Variants in SELP observed in about 807,000 individuals in gnomAD.
The protein encoded by SELP is selectin P, also known as P-selectin.
In SELP, 92 loss-of-function variants were observed where a neutral mutation model predicts 104.1. The observed-to-expected ratio is 0.88, with a 90% CI of 0.75 to 1.05. The LOEUF is 1.05. Among genes scored for constraint, SELP ranks in the 50% least tolerant of loss-of-function variants. The pLI, the probability that SELP is intolerant of heterozygous loss-of-function variation, is 0.00. For missense variants in SELP, 1,022 were observed against 1,017.3 expected (o/e 1.00, Z -0.06); for synonymous variants, 397 against 364.5 (o/e 1.09, Z -1.01).
At chr1:169,591,230 T>G (rs190716607) in intron 15 of SELP, among the ~76,000 whole-genome samples, 196 bp downstream of exon 15, 42 of 152,358 alleles carry the variant, frequency 2.8e-4, no homozygotes, top group Admixed American at 4.6e-4. Context: ...TAAATTACTT[T>G]TCATTTTATT....
At position 169,619,174 on chromosome 1, in the gene SELP, C is replaced by T; in HGVS notation, c.49G>A (p.Val17Ile). Residue 17 changes from valine to isoleucine, a missense_variant, in exon 2 of 17, where the codon GTC becomes ATC. By Grantham distance (29) the Val-to-Ile change is conservative. Transcript: ENST00000263686. ...AILYQRFQRV[V>I]FGISQLLCFS... Reference sequence around the variant, plus strand: ...CAAAGGAGTTGGGAAATTCCAAAGACCACTCTCTGGAATCTCTGGTACAAG... The same window carrying T: ...CAAAGGAGTTGGGAAATTCCAAAGATCACTCTCTGGAATCTCTGGTACAAG... 1 of 1,614,038 alleles carries T rather than the reference C, an allele frequency of 6.2e-7. No homozygotes were observed. Among genetic ancestry groups the T allele is most frequent in the Non-Finnish European group, 8.5e-7 (1 of 1,179,910 alleles).
chr1:169,590,636 C>T (rs868690151), intron 15 of SELP, among the ~76,000 whole-genome samples: 2 of 152,086 alleles, frequency 1.3e-5, no homozygotes, highest in Non-Finnish European at 2.9e-5. Flanking sequence ...TGGATGTCTA[C>T]GACAATAGAG....
At position 169,596,111 on chromosome 1, in the gene SELP, C is replaced by CTGGAGTAGGAAGTGATGCTA; in HGVS notation, c.1895_1914dup (p.Gly639Ter). 6.2e-7 allele frequency: 1 copy of CTGGAGTAGGAAGTGATGCTA among 1,613,740 alleles called. No homozygotes were observed. Among genetic ancestry groups the CTGGAGTAGGAAGTGATGCTA allele is most frequent in the Non-Finnish European group, 8.5e-7 (1 of 1,179,750 alleles). On this transcript the variant is annotated stop_gained and frameshift_variant, in exon 12 of 17. Coordinates refer to ENST00000263686, the MANE Select transcript of SELP (RefSeq NM_003005.4). LOFTEE classifies it high-confidence loss of function. ...GTGGTGAGGGCTGGACATTGCACCC[C>CTGGAGTAGGAAGTGATGCTA]TGGAGTAGGAAGTGATGCTATGCCT...
Position 169,594,846 on chromosome 1 carries a change from C to T in SELP, c.2133G>A (p.Lys711=), listed in dbSNP as rs773685474. The T allele has an allele frequency of 6.2e-7, 1 of 1,613,438 alleles. No homozygotes were observed. The highest frequency in any genetic ancestry group is 1.3e-5 in the African/African-American group (1 of 74,890). Residue 711 remains lysine, a synonymous_variant, in exon 13 of 17, where the codon AAG becomes AAA. Coordinates refer to ENST00000263686, the MANE Select transcript of SELP (RefSeq NM_003005.4). The part of the protein sequence containing the change: ...AVKCSELHVN[K]PIAMNCSNLW... ...GGTTGGAGCAGTTCATCGCTATTGGCTTATTAACATGTAGTTCTGAGCATT... is the reference window on the plus strand; with the variant it reads ...GGTTGGAGCAGTTCATCGCTATTGGTTTATTAACATGTAGTTCTGAGCATT...
At chr1:169,595,181 T>G (rs1661543040) in intron 12 of SELP, among the ~76,000 whole-genome samples, 1 of 152,152 alleles carries the variant, frequency 6.6e-6, no homozygotes, top group African/African-American at 2.4e-5. Context: ...TTTTGGTTCT[T>G]AAAATACTGT....
intron 4 of SELP, 144 bp downstream of exon 4, chr1:169,613,442 G>A: frequency 3.0e-6 from 2 of 674,120 alleles, no homozygotes; most frequent in South Asian, 1.7e-5. Context: ...TGTGTGTCTA[G>A]GGACACTGAG....
rs368392089 is a variant in SELP, at chr1:169,594,751, G to C, written c.2228C>G (p.Ser743Cys). ...ATTCTCTTGGCATGCTGTTTGTGCA[G>C]AGCCATTAAGTAACTGGCCCTCTAG... is the stretch of plus-strand genomic sequence containing the variant. ...HCLEGQLLNG[S>C]AQTACQENGH... Residue 743 changes from serine to cysteine, a missense_variant, in exon 13 of 17, where the codon TCT (serine) becomes TGT (cysteine). Ser to Cys is a moderately radical substitution (Grantham distance 112). Transcript: ENST00000263686. The C allele has an allele frequency of 5.4e-5, 87 of 1,613,714 alleles. No individual in the cohort carries two copies. The highest frequency in any genetic ancestry group is 4.2e-5 in the Non-Finnish European group (50 of 1,179,828).
chr1:169,609,765 T>C (rs1662410911), intron 7 of SELP, 76 bp from the exon 8 acceptor site: 3 of 1,355,142 alleles, frequency 2.2e-6, no homozygotes, highest in Non-Finnish European at 3.0e-6. Context: ...TCCTAGATGC[T>C]ATATCTTTCC....
chr1:169,623,662 T>G (rs746721159), intron 1 of SELP, among the ~76,000 whole-genome samples: 13 of 152,234 alleles, frequency 8.5e-5, no homozygotes, highest in Non-Finnish European at 1.8e-4. Flanking sequence ...GTGCATCCCC[T>G]GCTTTAATCT....
intron 1 of SELP, among the ~76,000 whole-genome samples, chr1:169,627,623 C>G (rs1234204533): frequency 6.6e-6 from 1 of 152,178 alleles, no homozygotes; most frequent in African/African-American, 2.4e-5. Context: ...TGTGCCTACT[C>G]TCTAGGTTTA....
At chr1:169,626,037 G>C (rs1384212991) in intron 1 of SELP, among the ~76,000 whole-genome samples, 1 of 152,200 alleles carries the variant, frequency 6.6e-6, no homozygotes. Flanking sequence ...ATGTTTAAGT[G>C]GAGAGAAGAA....
At chr1:169,599,404 A>G (rs1661790945) in intron 10 of SELP, among the ~76,000 whole-genome samples, 1 of 151,980 alleles carries the variant, frequency 6.6e-6, no homozygotes, top group Non-Finnish European at 1.5e-5. Flanking sequence ...GAAAACAGAT[A>G]AGGTTTGCAT....
chr1:169,621,783 G>A (rs1485505901), intron 1 of SELP, among the ~76,000 whole-genome samples: 2 of 152,176 alleles, frequency 1.3e-5, no homozygotes, highest in Non-Finnish European at 2.9e-5. Flanking sequence ...GTATCATAAC[G>A]TTATGATTTA....
At chr1:169,613,184 C>T in intron 4 of SELP, 70 bp from the exon 5 acceptor site, 1 of 1,396,910 alleles carries the variant, frequency 7.2e-7, no homozygotes, top group Admixed American at 2.3e-5. Flanking sequence ...TTGCTGAAAG[C>T]TGTAACTATT....
intron 14 of SELP, 45 bp from the exon 15 acceptor site, chr1:169,591,501 A>AAG (rs397942211): frequency 1.2e-5 from 17 of 1,437,732 alleles, no homozygotes; most frequent in Admixed American, 6.3e-5. Flanking sequence ...AAAAAAAAAA[A>AAG]CAAGATGAAA....
At chr1:169,603,915 G>A (rs1482819892) in intron 9 of SELP, among the ~76,000 whole-genome samples, 1 of 152,224 alleles carries the variant, frequency 6.6e-6, no homozygotes, top group East Asian at 1.9e-4. Context: ...AAACATACCT[G>A]TGCATGTGTC....
At chr1:169,623,186 G>C (rs372553805) in intron 1 of SELP, among the ~76,000 whole-genome samples, 1 of 152,192 alleles carries the variant, frequency 6.6e-6, no homozygotes, top group Non-Finnish European at 1.5e-5. Context: ...CCTGGGCTTT[G>C]CTCTATTCAG....
At chr1:169,608,014 A>T (rs1291312004) in intron 8 of SELP, among the ~76,000 whole-genome samples, 1 of 152,018 alleles carries the variant, frequency 6.6e-6, no homozygotes, top group East Asian at 1.9e-4. Context: ...ATCCCTTATG[A>T]TCCGTTTTAA....
intron 7 of SELP, 26 bp downstream of exon 7, chr1:169,611,466 T>C (rs748027488): frequency 1.2e-6 from 2 of 1,610,394 alleles, no homozygotes; most frequent in Admixed American, 1.7e-5. Flanking sequence ...TTGGACAGAA[T>C]GGAGGTTGCT....
Sources: allele counts gnomAD v4.1 joint callset (sites outside exome capture counted in the v4.1 genomes callset), GRCh38; gene constraint gnomAD v4.1.1; transcripts MANE v1.5; gene names NCBI Gene and HGNC (gene_info 2026-07-23, HGNC 2026-07-21).